Variants in HS1BP3 observed in about 807,000 individuals in gnomAD.
The protein encoded by HS1BP3 is HCLS1 binding protein 3.
HS1BP3 carries 32 observed loss-of-function variants against 33.5 expected under a neutral mutation model. The ratio of observed to expected loss-of-function variants is 0.95; its 90% confidence interval spans 0.72 to 1.28. The LOEUF is 1.28. Among genes scored for constraint, HS1BP3 ranks in the 50% most tolerant of loss-of-function variants. The pLI is 0.00. For missense variants in HS1BP3, 486 were observed against 502.3 expected (o/e 0.97, Z 0.31); for synonymous variants, 187 against 209.2 (o/e 0.89, Z 0.92).
chr2:20,571,378 A>G (rs181156783), intron 5 of HS1BP3, among the ~76,000 whole-genome samples: 1 of 151,644 alleles, frequency 6.6e-6, no homozygotes, highest in Non-Finnish European at 1.5e-5. Context: ...CACCCCATGC[A>G]CCTCCAGACT....
chr2:20,615,597 A>C (rs1000937385), downstream of HS1BP3, among the ~76,000 whole-genome samples: 1 of 152,210 alleles, frequency 6.6e-6, no homozygotes, highest in Admixed American at 6.5e-5. Context: ...CAGGACCACT[A>C]TGTGGGGACA....
chr2:20,574,481 G>A (rs59199298), intron 5 of HS1BP3, among the ~76,000 whole-genome samples: 18,035 of 152,196 alleles, frequency 0.12, 1,755 homozygotes, highest in African/African-American at 0.28. Context: ...ACTGCGAAGG[G>A]CCCTAGGCTT....
At chr2:20,625,794 C>T (rs1052211049) in intron 4 of HS1BP3, among the ~76,000 whole-genome samples, 3 of 152,138 alleles carry the variant, frequency 2.0e-5, no homozygotes, top group African/African-American at 7.2e-5. Context: ...TAGTTTTGAT[C>T]CAGGCGGTAG....
chr2:20,596,051 C>A (rs903431058), intron 3 of HS1BP3, among the ~76,000 whole-genome samples: 1 of 152,168 alleles, frequency 6.6e-6, no homozygotes. Flanking sequence ...GAGGTCTTTT[C>A]ATCAAACCTA....
intron 5 of HS1BP3, among the ~76,000 whole-genome samples, chr2:20,565,184 G>A (rs1693095930): frequency 6.6e-6 from 1 of 152,188 alleles, no homozygotes; most frequent in South Asian, 2.1e-4. Flanking sequence ...GAGGCCCAGA[G>A]CAGAGCTAGC....
At chr2:20,610,301 A>C (rs1341341336) in intron 2 of HS1BP3, among the ~76,000 whole-genome samples, 1 of 152,102 alleles carries the variant, frequency 6.6e-6, no homozygotes, top group Non-Finnish European at 1.5e-5. Context: ...GAATAATGCC[A>C]CGGATCCACC....
intron 2 of HS1BP3, among the ~76,000 whole-genome samples, chr2:20,612,519 CT>C (rs2149286710): frequency 6.6e-6 from 1 of 152,280 alleles, no homozygotes; most frequent in Non-Finnish European, 1.5e-5. Context: ...ATCTTTCTGT[CT>C]CTGTAGATTT....
chr2:20,647,727 G>T (rs939503681), intron 1 of HS1BP3, among the ~76,000 whole-genome samples: 2 of 152,130 alleles, frequency 1.3e-5, no homozygotes, highest in African/African-American at 4.8e-5. Flanking sequence ...AGGGTATCTG[G>T]TCTCTGCTGC....
intron 4 of HS1BP3, among the ~76,000 whole-genome samples, chr2:20,632,341 C>A (rs544605127): frequency 6.6e-6 from 1 of 152,348 alleles, no homozygotes; most frequent in Non-Finnish European, 1.5e-5. Context: ...GTGACACGAC[C>A]AGCAGACAGC....
At chr2:20,596,587 T>C (rs1466200) in intron 3 of HS1BP3, among the ~76,000 whole-genome samples, 108,159 of 152,172 alleles carry the variant, frequency 0.71, 40,100 homozygotes, top group East Asian at 0.82. Flanking sequence ...TCCAGAACTG[T>C]GAGCTATACA....
chr2:20,609,165 C>T (rs931105741), intron 2 of HS1BP3, among the ~76,000 whole-genome samples: 4 of 152,184 alleles, frequency 2.6e-5, no homozygotes, highest in African/African-American at 9.7e-5. Flanking sequence ...GGATGAGCAC[C>T]GTCCTTGGGG....
rs1298004709 is a variant in HS1BP3, at chr2:20,643,206, GAGTGGGCGTCACTGCCTAGGAAAA to G, written c.199-2050_199-2027del. Among the ~76,000 whole-genome samples, 21 of 152,202 alleles carry G rather than the reference GAGTGGGCGTCACTGCCTAGGAAAA, an allele frequency of 1.4e-4. 1 individual carries two copies. Among genetic ancestry groups the G allele is most frequent in the Non-Finnish European group, 2.9e-4 (20 of 68,046 alleles). ...CCCCTGCACGCACACACTCCACGAG[GAGTGGGCGTCACTGCCTAGGAAAA>G]AGTGGCACTAGTGTGATTCATGGAG... On this transcript the variant is annotated intron_variant, in intron 2 of 6. Coordinates refer to ENST00000304031, the MANE Select transcript of HS1BP3 (RefSeq NM_022460.4).
At chr2:20,640,687 G>A in intron 3 of HS1BP3, 2 of 582,130 alleles carry the variant, frequency 3.4e-6, no homozygotes, top group African/African-American at 1.9e-5. Context: ...TGTCGGGCAA[G>A]CTCTAGGAAT....
At chr2:20,616,423 G>A (rs1014423481), downstream of HS1BP3, among the ~76,000 whole-genome samples, 1 of 152,216 alleles carries the variant, frequency 6.6e-6, no homozygotes, top group Admixed American at 6.5e-5. Context: ...CCTGAGCCCT[G>A]AAGGCCAGGG....
downstream of HS1BP3, among the ~76,000 whole-genome samples, chr2:20,591,986 A>G (rs909341421): frequency 3.9e-5 from 6 of 152,184 alleles, no homozygotes; most frequent in African/African-American, 1.4e-4. Flanking sequence ...CGTCCCATGG[A>G]TGGTCCAAGG....
chr2:20,608,257 C>T (rs1349901220), intron 2 of HS1BP3, among the ~76,000 whole-genome samples: 1 of 151,856 alleles, frequency 6.6e-6, no homozygotes, highest in East Asian at 1.9e-4. Context: ...CTGGCTAGAA[C>T]TTCCAGTACA....
chr2:20,643,294 C>T (rs1012081327), intron 2 of HS1BP3, among the ~76,000 whole-genome samples: 8 of 152,168 alleles, frequency 5.3e-5, no homozygotes, highest in Middle Eastern at 3.2e-3. Context: ...CATGTAAGGC[C>T]GGCCCTCTGC....
intron 5 of HS1BP3, among the ~76,000 whole-genome samples, chr2:20,576,728 T>A (rs1179016417): frequency 6.6e-6 from 1 of 152,180 alleles, no homozygotes; most frequent in Admixed American, 6.5e-5. Context: ...GACTTTTTAT[T>A]CCACAACAGA....
At chr2:20,579,174 T>C (rs1693471420) in intron 5 of HS1BP3, among the ~76,000 whole-genome samples, 1 of 152,220 alleles carries the variant, frequency 6.6e-6, no homozygotes, top group Non-Finnish European at 1.5e-5. Flanking sequence ...ACGTGCTGTG[T>C]CCAGAGAGAA....
Sources: allele counts gnomAD v4.1 joint callset (sites outside exome capture counted in the v4.1 genomes callset), GRCh38; gene constraint gnomAD v4.1.1; transcripts MANE v1.5; gene names NCBI Gene and HGNC (gene_info 2026-07-23, HGNC 2026-07-21).